The following SYT1 variants were observed in gnomAD, a reference collection of about 807,000 sequenced individuals.
SYT1 encodes synaptotagmin-1.
In SYT1, 8 loss-of-function variants were observed where a neutral mutation model predicts 44.8. The observed-to-expected ratio is 0.18, with a 90% CI of 0.10 to 0.32. The LOEUF (loss-of-function observed/expected upper bound fraction) is 0.32, where lower values mean the gene tolerates loss of function less well. SYT1 is among the 10% of genes least tolerant of loss of function. The pLI is 1.00. For missense variants in SYT1, 286 were observed against 509.3 expected, an observed-to-expected ratio of 0.56 and a Z score of 4.22; for synonymous variants, 154 against 188.8, an observed-to-expected ratio of 0.82 and a Z score of 1.51.
At chr12:79,269,107 T>C (rs1706060553) in intron 4 of SYT1, among the ~76,000 whole-genome samples, 1 of 150,950 alleles carries the variant, frequency 6.6e-6, no homozygotes, top group Non-Finnish European at 1.5e-5. Context: ...TTTTTTTTAT[T>C]GAATATCAAT....
Position 78,973,939 on chromosome 12 carries a change from ATATATATATATATATATAT to A in SYT1, c.-216-3859_-216-3841del, listed in dbSNP as rs1347086714. 8.8e-4 allele frequency among the ~76,000 whole-genome samples: 10 copies of A among 11,402 alleles called. 1 individual carries two copies. Among genetic ancestry groups the A allele is most frequent in the Non-Finnish European group, 6.3e-4 (5 of 7,944 alleles). The allele number at this position is 11,402 out of a possible 152,430, so 7.5% of individuals were successfully genotyped here. A position where few individuals can be genotyped will look rare whatever the true frequency, so the allele number is the denominator to read the frequency against. The stretch of plus-strand genomic sequence containing the variant: ...ACCAAAAAAAAAAAAAAAAAAAAAA[ATATATATATATATATATAT>A]ATATATATATATATATATATATATA... On this transcript the variant is annotated intron_variant, in intron 1 of 10. Coordinates refer to ENST00000261205, the MANE Select transcript of SYT1 (RefSeq NM_005639.3).
At chr12:78,886,855 G>T (rs891532514) in intron 1 of SYT1, among the ~76,000 whole-genome samples, 6 of 151,942 alleles carry the variant, frequency 3.9e-5, no homozygotes, top group African/African-American at 1.4e-4. Flanking sequence ...CAAGCTATAT[G>T]GGGTTAAGTC....
At chr12:79,025,313 C>G (rs1216724847) in intron 2 of SYT1, among the ~76,000 whole-genome samples, 1 of 151,734 alleles carries the variant, frequency 6.6e-6, no homozygotes, top group Non-Finnish European at 1.5e-5. Flanking sequence ...TTCCCCTAAG[C>G]TGACTTTAAA....
chr12:78,870,925 T>A (rs3911786), intron 1 of SYT1, among the ~76,000 whole-genome samples: 10,655 of 152,096 alleles, frequency 0.07, 735 homozygotes, highest in African/African-American at 0.18. Context: ...CGTGAACACT[T>A]TTAAAATGCG....
intron 4 of SYT1, among the ~76,000 whole-genome samples, chr12:79,256,686 C>G (rs1011773169): frequency 6.6e-6 from 1 of 152,092 alleles, no homozygotes; most frequent in South Asian, 2.1e-4. Context: ...GATATGCTTC[C>G]AAAAGTTTAC....
At chr12:79,387,623 C>T (rs896490690) in intron 9 of SYT1, among the ~76,000 whole-genome samples, 1 of 152,186 alleles carries the variant, frequency 6.6e-6, no homozygotes, top group Non-Finnish European at 1.5e-5. Context: ...ATTTAAATGT[C>T]AACTGTGCAG....
intron 3 of SYT1, among the ~76,000 whole-genome samples, chr12:79,075,975 A>G (rs1161786501): frequency 6.6e-6 from 1 of 152,142 alleles, no homozygotes; most frequent in Non-Finnish European, 1.5e-5. Context: ...CTTTATAACA[A>G]AAGTCATTAA....
chr12:79,298,709 G>A (rs1879990650), intron 7 of SYT1, among the ~76,000 whole-genome samples: 1 of 152,070 alleles, frequency 6.6e-6, no homozygotes, highest in South Asian at 2.1e-4. Flanking sequence ...ATCAGTTCTT[G>A]GCCTTTTGCC....
At chr12:78,977,218 A>G (rs908547282) in intron 1 of SYT1, among the ~76,000 whole-genome samples, 5 of 152,178 alleles carry the variant, frequency 3.3e-5, no homozygotes, top group Non-Finnish European at 1.5e-5. Context: ...ATGCTTTAGT[A>G]TGTGCAGTAT....
intron 4 of SYT1, among the ~76,000 whole-genome samples, chr12:79,263,999 T>G (rs1438102685): frequency 6.6e-6 from 1 of 152,272 alleles, no homozygotes; most frequent in East Asian, 1.9e-4. Flanking sequence ...CTTTGATTGA[T>G]TTGAAATAGA....
chr12:79,253,600 T>A (rs1877356520), intron 4 of SYT1, among the ~76,000 whole-genome samples: 1 of 151,720 alleles, frequency 6.6e-6, no homozygotes, highest in Admixed American at 6.6e-5. Flanking sequence ...TGCAATGACC[T>A]CTAAGTGTTC....
intron 1 of SYT1, among the ~76,000 whole-genome samples, chr12:78,931,319 GGGAGGGAGGGAGGGAGGGAA>G (rs1218150548): frequency 1.4e-4 from 3 of 22,168 alleles, no homozygotes; most frequent in African/African-American, 9.5e-4. Context: ...GAGGGAGGGA[GGGAGGGAGGGAGGGAGGGAA>G]GGAAGGAAGG....
At chr12:79,224,615 TC>T in intron 4 of SYT1, among the ~76,000 whole-genome samples, 1 of 152,198 alleles carries the variant, frequency 6.6e-6, no homozygotes, top group Middle Eastern at 3.4e-3. Flanking sequence ...AGAAGCCATG[TC>T]ATGTGGGGCC....
At chr12:79,147,027 G>A (rs1378696461) in intron 3 of SYT1, among the ~76,000 whole-genome samples, 3 of 152,070 alleles carry the variant, frequency 2.0e-5, no homozygotes, top group Admixed American at 2.0e-4. Flanking sequence ...TTTTAGTAGA[G>A]AAGGGGTTTC....
intron 8 of SYT1, among the ~76,000 whole-genome samples, chr12:79,341,855 A>G (rs1343019987): frequency 1.3e-5 from 2 of 151,692 alleles, no homozygotes; most frequent in South Asian, 2.1e-4. Flanking sequence ...TTTTTAGTAG[A>G]GACGGAGTTT....
intron 3 of SYT1, among the ~76,000 whole-genome samples, chr12:79,186,685 C>G (rs1324672534): frequency 1.3e-5 from 2 of 152,052 alleles, no homozygotes; most frequent in African/African-American, 4.8e-5. Flanking sequence ...TTTCCCACAT[C>G]AAAGACTAGC....
At chr12:79,428,855 G>T (rs982472908) in intron 9 of SYT1, among the ~76,000 whole-genome samples, 2 of 152,148 alleles carry the variant, frequency 1.3e-5, no homozygotes, top group African/African-American at 4.8e-5. Flanking sequence ...GGTTCTATAG[G>T]CTGGACAAGA....
chr12:78,928,172 T>G (rs975517087), intron 1 of SYT1, among the ~76,000 whole-genome samples: 1 of 152,130 alleles, frequency 6.6e-6, no homozygotes, highest in African/African-American at 2.4e-5. Flanking sequence ...ATTTGACACT[T>G]CATTTTAAAG....
At chr12:78,959,745 C>T (rs1879408156) in intron 1 of SYT1, among the ~76,000 whole-genome samples, 1 of 152,030 alleles carries the variant, frequency 6.6e-6, no homozygotes, top group South Asian at 2.1e-4. Flanking sequence ...TTAATAAAAA[C>T]GCAGTTGCAA....
Sources: allele counts gnomAD v4.1 joint callset (sites outside exome capture counted in the v4.1 genomes callset), GRCh38; gene constraint gnomAD v4.1.1; transcripts MANE v1.5; gene names NCBI Gene and HGNC (gene_info 2026-07-23, HGNC 2026-07-21).